PKIA: variants seen among roughly 807,000 people sequenced by gnomAD.
The protein encoded by PKIA is PKI-alpha.
A neutral mutation model predicts 7.6 loss-of-function variants in PKIA; 4 were observed. The observed-to-expected ratio is 0.52, with a 90% CI of 0.26 to 1.20. PKIA has a LOEUF of 1.20. Ranked by LOEUF, PKIA falls within the 50% of genes most tolerant of loss-of-function variation. The probability of loss-of-function intolerance (pLI) is 0.13; values close to 1 mark genes in which losing one functional copy is unlikely to be tolerated. For synonymous variants in PKIA, 21 were observed against 30.7 expected (o/e 0.68, Z 1.04); for missense variants, 73 against 86.2 (o/e 0.85, Z 0.61).
chr8:78,553,696 G>A (rs182532174), intron 1 of PKIA, among the ~76,000 whole-genome samples: 10 of 150,750 alleles, frequency 6.6e-5, no homozygotes, highest in African/African-American at 1.7e-4. Context: ...GTAATATGCC[G>A]CAGCTTTTTG....
rs183343986 is a variant in PKIA at position 78,588,349 on chromosome 8, G to A, written c.-27-10009G>A. On this transcript the variant is annotated intron_variant, in intron 2 of 3. Transcript: ENST00000396418. ...TACAAAATTAGCTAGGCATGGTGGC[G>A]CATGCCTGTAATCCCAGCTACTCAG... 1.3e-4 allele frequency among the ~76,000 whole-genome samples: 20 copies of A among 152,124 alleles called. No individual in the cohort carries two copies. In the East Asian group the frequency reaches 1.9e-3, roughly 15 times the overall value.
intron 2 of PKIA, among the ~76,000 whole-genome samples, chr8:78,594,571 A>C (rs998904519): frequency 1.3e-5 from 2 of 152,156 alleles, no homozygotes; most frequent in African/African-American, 2.4e-5. Flanking sequence ...GTTGATATGC[A>C]TGTTCCTATG....
chr8:78,537,643 CT>C (rs1806565948), intron 1 of PKIA, among the ~76,000 whole-genome samples: 1 of 136,606 alleles, frequency 7.3e-6, no homozygotes, highest in Non-Finnish European at 1.6e-5. Flanking sequence ...AGGGTCTTGG[CT>C]TTTTATTATT....
chr8:78,593,145 C>T (rs768484661), intron 2 of PKIA, among the ~76,000 whole-genome samples: 3 of 152,082 alleles, frequency 2.0e-5, no homozygotes, highest in Non-Finnish European at 4.4e-5. Flanking sequence ...TTGTTTGACA[C>T]GGAGTCTTGC....
At chr8:78,551,835 A>G (rs957462278) in intron 1 of PKIA, among the ~76,000 whole-genome samples, 2 of 152,008 alleles carry the variant, frequency 1.3e-5, no homozygotes, top group African/African-American at 2.4e-5. Flanking sequence ...TGCTAATGAA[A>G]TATCTCTGTT....
chr8:78,568,058 G>A (rs1807459764), intron 1 of PKIA, among the ~76,000 whole-genome samples: 1 of 151,980 alleles, frequency 6.6e-6, no homozygotes, highest in African/African-American at 2.4e-5. Flanking sequence ...CCAAGATCTG[G>A]GTGCTATATT....
intron 1 of PKIA, among the ~76,000 whole-genome samples, chr8:78,570,734 T>C (rs1264212778): frequency 6.6e-6 from 1 of 152,170 alleles, no homozygotes; most frequent in African/African-American, 2.4e-5. Flanking sequence ...TGTCTTCTTT[T>C]TTTACACCCC....
chr8:78,540,472 G>A (rs1268646149), intron 1 of PKIA, among the ~76,000 whole-genome samples: 3 of 152,086 alleles, frequency 2.0e-5, no homozygotes, highest in African/African-American at 4.8e-5. Flanking sequence ...AATTGGGGCA[G>A]TTCAAAGCCA....
intron 1 of PKIA, among the ~76,000 whole-genome samples, chr8:78,525,021 A>C (rs927977647): frequency 2.0e-5 from 3 of 151,858 alleles, no homozygotes; most frequent in Non-Finnish European, 2.9e-5. Context: ...TAAATTATGG[A>C]TAGAACTACC....
chr8:78,578,929 T>G (rs1003976086), intron 2 of PKIA, among the ~76,000 whole-genome samples: 6 of 152,038 alleles, frequency 3.9e-5, no homozygotes, highest in African/African-American at 1.4e-4. Context: ...ACTAAATATC[T>G]CTACTTTATA....
chr8:78,561,372 A>G (rs1477328226), intron 1 of PKIA, among the ~76,000 whole-genome samples: 1 of 152,132 alleles, frequency 6.6e-6, no homozygotes, highest in Non-Finnish European at 1.5e-5. Context: ...CAATTATAAG[A>G]CAAGAAAAAA....
chr8:78,599,821 T>G (rs1170151827), intron 3 of PKIA, among the ~76,000 whole-genome samples: 1 of 151,888 alleles, frequency 6.6e-6, no homozygotes, highest in Non-Finnish European at 1.5e-5. Context: ...TTAGCTGCTC[T>G]TAATATTAGG....
intron 1 of PKIA, among the ~76,000 whole-genome samples, chr8:78,536,658 C>T (rs1806530890): frequency 6.6e-6 from 1 of 151,960 alleles, no homozygotes; most frequent in Admixed American, 6.6e-5. Context: ...TATTTTTCCT[C>T]AAAAAGCTGT....
intron 2 of PKIA, among the ~76,000 whole-genome samples, chr8:78,591,653 C>A (rs1808099415): frequency 6.6e-6 from 1 of 152,032 alleles, no homozygotes; most frequent in African/African-American, 2.4e-5. Flanking sequence ...AATAAAATGT[C>A]CATTTCCCTC....
chr8:78,598,979 C>T (rs143584919), intron 3 of PKIA, among the ~76,000 whole-genome samples: 321 of 152,082 alleles, frequency 2.1e-3, no homozygotes, highest in African/African-American at 6.9e-3. Context: ...AAAAAAGAGT[C>T]TCCAGGGCTA....
At chr8:78,545,605 G>T (rs1806800933) in intron 1 of PKIA, among the ~76,000 whole-genome samples, 1 of 152,058 alleles carries the variant, frequency 6.6e-6, no homozygotes, top group Non-Finnish European at 1.5e-5. Context: ...ATACCAGTCT[G>T]TCTTCCCTGA....
At chr8:78,547,926 G>T (rs1187300546) in intron 1 of PKIA, among the ~76,000 whole-genome samples, 1 of 151,938 alleles carries the variant, frequency 6.6e-6, no homozygotes, top group Non-Finnish European at 1.5e-5. Context: ...CTTAAATTCA[G>T]AATTTTCATG....
At chr8:78,562,471 A>AT (rs1807308397) in intron 1 of PKIA, among the ~76,000 whole-genome samples, 1 of 152,202 alleles carries the variant, frequency 6.6e-6, no homozygotes, top group Admixed American at 6.5e-5. Flanking sequence ...AAACCACTTA[A>AT]TAAGACTTAT....
intron 1 of PKIA, among the ~76,000 whole-genome samples, chr8:78,567,580 AGTC>A (rs759560539): frequency 6.9e-6 from 1 of 145,184 alleles, no homozygotes; most frequent in Non-Finnish European, 1.5e-5. Context: ...TGGCTGAGAT[AGTC>A]GTCATCATCA....
Sources: allele counts gnomAD v4.1 joint callset (sites outside exome capture counted in the v4.1 genomes callset), GRCh38; gene constraint gnomAD v4.1.1; transcripts MANE v1.5; gene names NCBI Gene and HGNC (gene_info 2026-07-23, HGNC 2026-07-21).